The following SPADH variants were observed in gnomAD, a reference collection of about 807,000 sequenced individuals.
SPADH encodes the protein CUB domain-containing protein.
At chr10:122,676,877 C>T in the SPADH span, 117 of 985,234 alleles carry the variant, frequency 1.2e-4, no homozygotes, top group Middle Eastern at 1.0e-3. Context: ...TCACGGTGGC[C>T]ATTCCAGACC....
At chr10:122,674,942 C>T in the SPADH span, among the ~76,000 whole-genome samples, 3 of 152,300 alleles carry the variant, frequency 2.0e-5, no homozygotes, top group Admixed American at 6.5e-5. Flanking sequence ...ATTCTGAACC[C>T]GTGGGCCTGC....
chr10:122,678,117 C>T, the SPADH span, among the ~76,000 whole-genome samples: 1 of 152,240 alleles, frequency 6.6e-6, no homozygotes, highest in Admixed American at 6.5e-5. Context: ...GGGGTGTCCC[C>T]TTGTTGTCTT....
the SPADH span, among the ~76,000 whole-genome samples, chr10:122,679,448 A>G: frequency 1.3e-5 from 2 of 151,692 alleles, no homozygotes; most frequent in East Asian, 3.9e-4. Flanking sequence ...TGTATAATAC[A>G]CATATTCTAT....
At chr10:122,677,454 G>A in the SPADH span, among the ~76,000 whole-genome samples, 2 of 152,204 alleles carry the variant, frequency 1.3e-5, no homozygotes, top group Admixed American at 6.5e-5. Flanking sequence ...ATTACTCTTG[G>A]CTATGACTTT....
At chr10:122,672,967 C>T in the SPADH span, 2 of 980,264 alleles carry the variant, frequency 2.0e-6, no homozygotes, top group East Asian at 1.1e-4. Flanking sequence ...GGGCCTCGCA[C>T]TGTTTTCCTT....
At chr10:122,678,486 C>G in the SPADH span, among the ~76,000 whole-genome samples, 1 of 152,194 alleles carries the variant, frequency 6.6e-6, no homozygotes, top group Non-Finnish European at 1.5e-5. Context: ...ACATACCACT[C>G]TGCTGGCTGC....
the SPADH span, among the ~76,000 whole-genome samples, chr10:122,678,323 G>A: frequency 6.6e-6 from 1 of 152,308 alleles, no homozygotes; most frequent in South Asian, 2.1e-4. Context: ...TCTGCAGTGA[G>A]TAAGCAAGGC....
chr10:122,672,946 C>T, the SPADH span: 1 of 985,176 alleles, frequency 1.0e-6, no homozygotes, highest in Non-Finnish European at 1.2e-6. Flanking sequence ...TGGCCCCAGG[C>T]CCTTTCTTCT....
Sources: gnomAD v4.1 joint callset for allele counts (sites outside exome capture counted in the v4.1 genomes callset) on GRCh38, gnomAD v4.1.1 for gene constraint, MANE v1.5 for transcripts, NCBI Gene and HGNC (gene_info 2026-07-23, HGNC 2026-07-21) for gene names.